Variants in RRM1 observed in about 807,000 individuals in gnomAD.
RRM1 encodes ribonucleoside-diphosphate reductase large subunit.
In RRM1, 19 loss-of-function variants were observed where a neutral mutation model predicts 101.5. The ratio of observed to expected loss-of-function variants is 0.19; its 90% CI spans 0.13 to 0.27. The LOEUF is 0.27. Among genes scored for constraint, RRM1 ranks in the 10% least tolerant of loss-of-function variants. RRM1 has a pLI of 1.00. For synonymous variants in RRM1, 298 were observed against 323.4 expected (o/e 0.92, Z 0.84); for missense variants, 500 against 962.9 (o/e 0.52, Z 6.36).
intron 7 of RRM1, 98 bp from the exon 8 acceptor site, chr11:4,118,220 CTT>C (rs34182882): frequency 0.089 from 77,586 of 876,612 alleles, no homozygotes; most frequent in South Asian, 0.12. Flanking sequence ...AACTTCAACT[CTT>C]TTTTTTTTTT....
chr11:4,122,008 C>G, intron 10 of RRM1, 133 bp from the exon 11 acceptor site: 1 of 755,908 alleles, frequency 1.3e-6, no homozygotes. Flanking sequence ...TGGGCCTGAA[C>G]CTGAAAATGA....
In RRM1 at chr11:4,123,383, A is replaced by G. The variant is rs1249997322; in HGVS notation, c.1319A>G (p.Glu440Gly). 1 of 1,613,394 alleles carries G rather than the reference A, an allele frequency of 6.2e-7. No homozygotes were observed. Among genetic ancestry groups the G allele is most frequent in the Non-Finnish European group, 8.5e-7 (1 of 1,179,316 alleles). The change falls in exon 12 of 19, where the codon GAG (glutamate) becomes GGG (glycine). Residue 440 changes from glutamate (E) to glycine (G), a missense_variant and splice_region_variant. Physicochemically the swap from Glu to Gly is moderately conservative, Grantham distance 98. Around this residue, in one of 9 missense-constraint regions of RRM1, gnomAD observed 80 missense variants for 170.9 expected, o/e 0.47. Coordinates refer to ENST00000300738, the MANE Select transcript of RRM1 (RefSeq NM_001033.5). ...ATAGTGGAGTACACCAGCAAAGATG[A>G]GGTAGGTAGAAAAAATTCTTCCTAG... ...TEIVEYTSKD[E>G]VAVCNLASLA...
chr11:4,118,579 T>C lies in RRM1; in HGVS notation c.792+118T>C, dbSNP rs955275128. ...CCTGGGTCTCTGTTAAATTACTAAA[T>C]GGCTATGTGACTTGGAGTGAGTCAT... On this transcript the variant is annotated intron_variant, in intron 8 of 18. Coordinates refer to ENST00000300738, the MANE Select transcript of RRM1 (RefSeq NM_001033.5). 9 of 977,490 alleles carry C rather than the reference T, an allele frequency of 9.2e-6. No individual in the cohort carries two copies. The African/African-American group carries it at 1.5e-4, about 16-fold the overall frequency. The allele number at this position is 977,490 out of a possible 1,614,324, so 60.6% of individuals were successfully genotyped here. A position where few individuals can be genotyped will look rare whatever the true frequency, so the allele number is the denominator to read the frequency against.
intron 15 of RRM1, among the ~76,000 whole-genome samples, chr11:4,129,730 A>G (rs914611696): frequency 3.9e-5 from 6 of 152,098 alleles, no homozygotes; most frequent in African/African-American, 7.2e-5. Context: ...TTTGTTTTCT[A>G]TCGTGATGAC....
chr11:4,112,831 G>A (rs1261031295), intron 7 of RRM1, among the ~76,000 whole-genome samples: 1 of 152,176 alleles, frequency 6.6e-6, no homozygotes, highest in Non-Finnish European at 1.5e-5. Context: ...GCCAGGCATG[G>A]TGGCTCACAT....
rs2094618127 is a variant in RRM1, at chr11:4,138,440, A to G, written c.*57A>G. ...AGTAGCCAAACTACTTCTTGAGCAT[A>G]GATAGGTATAGTGGGTTTGCTTGAG... On this transcript the variant is annotated 3_prime_UTR_variant, in exon 19 of 19. Transcript: ENST00000300738. The G allele has an allele frequency of 7.0e-7, 1 of 1,421,784 alleles. No homozygotes were observed. The highest frequency in any genetic ancestry group is 9.5e-7 in the Non-Finnish European group (1 of 1,057,664). The allele number at this position is 1,421,784 out of a possible 1,614,324, so 88.1% of individuals were successfully genotyped here. A position where few individuals can be genotyped will look rare whatever the true frequency, so the allele number is the denominator to read the frequency against.
At chr11:4,122,053 A>G (rs1167458017) in intron 10 of RRM1, 88 bp from the exon 11 acceptor site, 3 of 1,054,650 alleles carry the variant, frequency 2.8e-6, no homozygotes, top group East Asian at 4.9e-5. Flanking sequence ...AGAGCTTGTA[A>G]AAGTCACCTT....
At chr11:4,107,307 A>G (rs1590715289) in intron 3 of RRM1, 128 bp from the exon 4 acceptor site, 1 of 642,548 alleles carries the variant, frequency 1.6e-6, no homozygotes, top group East Asian at 2.6e-5. Context: ...AGCACTTTAT[A>G]TGCTAGGCAT....
In RRM1 at chr11:4,138,696, C is replaced by A. The variant is rs548994216; in HGVS notation, c.*313C>A. On this transcript the variant is annotated 3_prime_UTR_variant, in exon 19 of 19. Transcript: ENST00000300738. ...GGAGTGGTTAAGTAAGGTTTCATCA[C>A]CCCTTTAGCACTGCTTTTCTGAAGA... 2 of 251,826 alleles carry A rather than the reference C, an allele frequency of 7.9e-6. No homozygotes were observed. Among genetic ancestry groups the A allele is most frequent in the East Asian group, 1.2e-4 (2 of 16,838 alleles). The allele number at this position is 251,826 out of a possible 1,614,324, so 15.6% of individuals were successfully genotyped here. A position where few individuals can be genotyped will look rare whatever the true frequency, so the allele number is the denominator to read the frequency against.
rs1431333297 is a variant in RRM1 at position 4,138,384 on chromosome 11, G to A, written c.*1G>A. On this transcript the variant is annotated 3_prime_UTR_variant, in exon 19 of 19. Transcript: ENST00000300738. The stretch of plus-strand genomic sequence containing the variant: ...TGAATGTCTGATGTGTGGATCCTGA[G>A]GAAAGACTTGGAAGAGACCAGCATG... The A allele has an allele frequency of 6.3e-7, 1 of 1,597,086 alleles. No homozygotes were observed. The highest frequency in any genetic ancestry group is 8.5e-7 in the Non-Finnish European group (1 of 1,172,260).
chr11:4,110,287 G>C (rs2094563559), intron 5 of RRM1, among the ~76,000 whole-genome samples: 1 of 151,900 alleles, frequency 6.6e-6, no homozygotes, highest in South Asian at 2.1e-4. Flanking sequence ...TGAGTGACTG[G>C]GACTACAGGC....
intron 8 of RRM1, 43 bp downstream of exon 8, chr11:4,118,504 A>G (rs762626213): frequency 6.2e-7 from 1 of 1,609,978 alleles, no homozygotes; most frequent in South Asian, 1.1e-5. Context: ...ATTCAAGTCT[A>G]AAAGCAAACA....
At chr11:4,107,556 G>T in intron 4 of RRM1, 21 bp downstream of exon 4, 1 of 1,520,442 alleles carries the variant, frequency 6.6e-7, no homozygotes, top group Non-Finnish European at 9.1e-7. Flanking sequence ...CACTTATCTG[G>T]TGGAAATTTT....
intron 7 of RRM1, among the ~76,000 whole-genome samples, chr11:4,116,750 G>T (rs886538749): frequency 2.6e-5 from 4 of 151,748 alleles, no homozygotes; most frequent in Non-Finnish European, 4.4e-5. Context: ...GCAAAGGCTG[G>T]CTTGAGGGCA....
intron 2 of RRM1, among the ~76,000 whole-genome samples, chr11:4,103,069 T>G (rs952940408): frequency 6.6e-6 from 1 of 152,190 alleles, no homozygotes; most frequent in African/African-American, 2.4e-5. Flanking sequence ...ACTGCTAAGG[T>G]ATCTTAGGTA....
intron 4 of RRM1, among the ~76,000 whole-genome samples, chr11:4,109,260 T>C (rs2094562282): frequency 1.3e-5 from 2 of 151,682 alleles, no homozygotes; most frequent in Admixed American, 1.3e-4. Flanking sequence ...TACTTTTGGA[T>C]TAATAGCCAA....
chr11:4,122,827 T>C (rs901716536), intron 11 of RRM1, among the ~76,000 whole-genome samples: 4 of 151,394 alleles, frequency 2.6e-5, no homozygotes, highest in African/African-American at 7.3e-5. Context: ...GAGCTGAGAT[T>C]GTGCCACTGC....
At chr11:4,111,865 G>T in intron 6 of RRM1, 35 bp from the exon 7 acceptor site, 2 of 1,576,266 alleles carry the variant, frequency 1.3e-6, no homozygotes, top group South Asian at 2.4e-5. Flanking sequence ...TTTTTCTGAC[G>T]TCTCATCATG....
chr11:4,135,840 T>C (rs2094608719), intron 18 of RRM1, among the ~76,000 whole-genome samples: 1 of 151,472 alleles, frequency 6.6e-6, no homozygotes. Context: ...TTAAGTAGAA[T>C]TATAAATTTG....
Sources: allele counts gnomAD v4.1 joint callset (sites outside exome capture counted in the v4.1 genomes callset), GRCh38; gene constraint gnomAD v4.1.1; regional missense constraint gnomAD v4.1.1; transcripts MANE v1.5; gene names NCBI Gene and HGNC (gene_info 2026-07-23, HGNC 2026-07-21).